CNTN4: variants seen among roughly 807,000 people sequenced by gnomAD.
CNTN4 encodes contactin-4.
In CNTN4, 77 loss-of-function variants were observed where a neutral mutation model predicts 122.5. The observed-to-expected ratio is 0.63, with a 90% confidence interval of 0.52 to 0.76. The LOEUF is 0.76. Ranked by LOEUF, CNTN4 falls within the 30% of genes least tolerant of loss-of-function variation. The pLI is 0.00. For missense variants in CNTN4, 1,256 were observed against 1,259.1 expected, an observed-to-expected ratio of 1.00 and a Z score of 0.04; for synonymous variants, 512 against 447.0, an observed-to-expected ratio of 1.15 and a Z score of -1.83.
chr3:2,229,095 C>A lies in CNTN4; in HGVS notation c.-144-110083C>A, dbSNP rs2039391290. ...TAGGGACTTTCTCTGGAATTCCTTG[C>A]CATTCATTCATTTATTGTAGAAAAA... is the stretch of plus-strand genomic sequence containing the variant. On this transcript the variant is annotated intron_variant, in intron 2 of 24. Coordinates refer to ENST00000418658, the MANE Select transcript of CNTN4 (RefSeq NM_175607.3). Among the ~76,000 whole-genome samples the A allele has an allele frequency of 2.0e-5, 3 of 152,202 alleles. 1 individual carries two copies. In the South Asian group the frequency reaches 6.2e-4, roughly 32 times the overall value.
intron 2 of CNTN4, among the ~76,000 whole-genome samples, chr3:2,169,116 A>C (rs960953750): frequency 2.0e-5 from 3 of 152,166 alleles, no homozygotes; most frequent in Admixed American, 1.3e-4. Flanking sequence ...AAATTTTAGA[A>C]AGGCTGTACG....
At chr3:2,417,545 T>A (rs2047460106) in intron 3 of CNTN4, among the ~76,000 whole-genome samples, 1 of 152,182 alleles carries the variant, frequency 6.6e-6, no homozygotes, top group Non-Finnish European at 1.5e-5. Context: ...GGGGAGTGAT[T>A]GTAATAAACT....
At chr3:2,358,734 G>A (rs2044982763) in intron 3 of CNTN4, among the ~76,000 whole-genome samples, 1 of 152,060 alleles carries the variant, frequency 6.6e-6, no homozygotes, top group Non-Finnish European at 1.5e-5. Context: ...AGCTAAAACG[G>A]TATTATTAAT....
At chr3:2,126,500 T>C (rs976305468) in intron 2 of CNTN4, among the ~76,000 whole-genome samples, 2 of 152,234 alleles carry the variant, frequency 1.3e-5, no homozygotes, top group South Asian at 4.1e-4. Context: ...AAATATTGAT[T>C]TAATAATTTT....
intron 2 of CNTN4, among the ~76,000 whole-genome samples, chr3:2,332,729 G>A (rs549905627): frequency 2.9e-4 from 42 of 142,872 alleles, no homozygotes; most frequent in Non-Finnish European, 5.4e-4. Context: ...TGTGGGGTGG[G>A]GGGAGTGGGG....
chr3:2,522,331 T>C (rs537408717), intron 3 of CNTN4, among the ~76,000 whole-genome samples: 1 of 152,256 alleles, frequency 6.6e-6, no homozygotes, highest in East Asian at 1.9e-4. Flanking sequence ...CTATACTCAG[T>C]ATTAACAAGG....
chr3:2,660,891 A>G (rs951926814), intron 4 of CNTN4, among the ~76,000 whole-genome samples: 7 of 152,350 alleles, frequency 4.6e-5, no homozygotes, highest in African/African-American at 1.7e-4. Context: ...GACAAAAGGA[A>G]CTCAAGCCCA....
At chr3:2,603,919 G>A (rs1336260842) in intron 4 of CNTN4, among the ~76,000 whole-genome samples, 2 of 152,190 alleles carry the variant, frequency 1.3e-5, no homozygotes, top group Admixed American at 6.5e-5. Context: ...GACTCACAGC[G>A]CATTATCCAA....
chr3:2,922,941 A>G (rs1282959617), intron 12 of CNTN4, among the ~76,000 whole-genome samples: 2 of 152,154 alleles, frequency 1.3e-5, no homozygotes, highest in African/African-American at 4.8e-5. Context: ...TAATTAGTGA[A>G]AGATGTTCCA....
intron 2 of CNTN4, among the ~76,000 whole-genome samples, chr3:2,293,712 T>G (rs1425310823): frequency 6.6e-6 from 1 of 152,250 alleles, no homozygotes; most frequent in Non-Finnish European, 1.5e-5. Context: ...AGCAATTTAT[T>G]TAAATGTTTT....
intron 3 of CNTN4, among the ~76,000 whole-genome samples, chr3:2,515,378 A>G (rs1295481744): frequency 1.3e-5 from 2 of 152,178 alleles, no homozygotes; most frequent in African/African-American, 4.8e-5. Flanking sequence ...AAGTGCACAA[A>G]CAATAGCCCA....
chr3:2,805,281 T>G (rs2092440078), intron 6 of CNTN4, among the ~76,000 whole-genome samples: 1 of 152,166 alleles, frequency 6.6e-6, no homozygotes, highest in Non-Finnish European at 1.5e-5. Context: ...CCACATGAGC[T>G]TTGTAGCTGT....
intron 2 of CNTN4, among the ~76,000 whole-genome samples, chr3:2,294,186 C>T (rs2042225922): frequency 6.6e-6 from 1 of 152,112 alleles, no homozygotes; most frequent in Admixed American, 6.5e-5. Context: ...TGTTTTATTC[C>T]TAGTGTAAAT....
intron 15 of CNTN4, 135 bp downstream of exon 15, chr3:3,026,412 T>A: frequency 1.3e-6 from 1 of 769,130 alleles, no homozygotes; most frequent in Non-Finnish European, 2.2e-6. Context: ...CTGCTCCTTT[T>A]TGCACAATAA....
intron 14 of CNTN4, among the ~76,000 whole-genome samples, chr3:3,006,034 C>T (rs1328272494): frequency 5.9e-5 from 9 of 151,898 alleles, no homozygotes; most frequent in Non-Finnish European, 4.4e-5. Context: ...TACAGGCGCC[C>T]ACCCCCACGC....
chr3:2,981,750 C>G (rs77269513), intron 13 of CNTN4, among the ~76,000 whole-genome samples: 1 of 151,980 alleles, frequency 6.6e-6, no homozygotes, highest in Non-Finnish European at 1.5e-5. Context: ...TTATAAAAAT[C>G]CCATAAAACA....
chr3:2,290,256 G>A (rs528337924), intron 2 of CNTN4, among the ~76,000 whole-genome samples: 1 of 152,280 alleles, frequency 6.6e-6, no homozygotes, highest in African/African-American at 2.4e-5. Context: ...GAGAGCTTCC[G>A]GGCCATAATG....
chr3:2,105,829 G>A (rs959421445), intron 2 of CNTN4, among the ~76,000 whole-genome samples: 1 of 152,148 alleles, frequency 6.6e-6, no homozygotes, highest in African/African-American at 2.4e-5. Context: ...AAAGTCCACA[G>A]TCCAAAGTCT....
intron 7 of CNTN4, among the ~76,000 whole-genome samples, chr3:2,826,590 A>G (rs530886115): frequency 1.2e-4 from 19 of 152,154 alleles, no homozygotes; most frequent in Non-Finnish European, 2.1e-4. Flanking sequence ...CCAATTATGT[A>G]ACTTCTCTGA....
Sources: gnomAD v4.1 joint callset for allele counts (sites outside exome capture counted in the v4.1 genomes callset) on GRCh38, gnomAD v4.1.1 for gene constraint, MANE v1.5 for transcripts, NCBI Gene and HGNC (gene_info 2026-07-23, HGNC 2026-07-21) for gene names.